FRMD3: variants seen among roughly 807,000 people sequenced by gnomAD.
The protein encoded by FRMD3 is FERM domain containing 3, also known as FERM domain-containing protein 3.
In FRMD3, 33 loss-of-function variants were observed where a neutral mutation model predicts 70.2. That is an observed-to-expected ratio of 0.47 (90% CI 0.36 to 0.63). The LOEUF (loss-of-function observed/expected upper bound fraction) is 0.63, where lower values mean the gene tolerates loss of function less well. Among genes scored for constraint, FRMD3 ranks in the 20% least tolerant of loss-of-function variants. The pLI, the probability that FRMD3 is intolerant of heterozygous loss-of-function variation, is 0.00. For missense variants in FRMD3, 632 were observed against 711.4 expected (o/e 0.89, Z 1.27); for synonymous variants, 279 against 255.9 (o/e 1.09, Z -0.86).
chr9:83,278,968 G>A (rs1833880400), intron 13 of FRMD3, among the ~76,000 whole-genome samples: 2 of 152,228 alleles, frequency 1.3e-5, no homozygotes, highest in African/African-American at 4.8e-5. Flanking sequence ...GGCCAAGCCT[G>A]TATTTAGGGG....
At position 83,394,613 on chromosome 9, in the gene FRMD3, C is replaced by T. The variant is rs142115901; in HGVS notation, c.148-4905G>A. 3.8e-3 allele frequency among the ~76,000 whole-genome samples: 585 copies of T among 152,264 alleles called. 3 individuals carry two copies. Among genetic ancestry groups the T allele is most frequent in the African/African-American group, 0.014 (568 of 41,550 alleles). On this transcript the variant is annotated intron_variant, in intron 1 of 13. Coordinates refer to ENST00000304195, the MANE Select transcript of FRMD3 (RefSeq NM_174938.6). ...ATGATTTTGTTTCTTCTGATGCCCA[C>T]AGTACCTTCTCTTCAAAGGCTGCTG...
chr9:83,321,836 G>A (rs1219396121), intron 6 of FRMD3, among the ~76,000 whole-genome samples: 1 of 152,132 alleles, frequency 6.6e-6, no homozygotes, highest in Admixed American at 6.5e-5. Context: ...AGTAATATCT[G>A]TTTTTTGAAT....
chr9:83,387,213 T>C (rs1368608885), intron 2 of FRMD3, among the ~76,000 whole-genome samples: 1 of 152,242 alleles, frequency 6.6e-6, no homozygotes, highest in Non-Finnish European at 1.5e-5. Flanking sequence ...CCGTCATTCC[T>C]TCTACATTTA....
At chr9:83,410,102 T>A (rs557618750) in intron 1 of FRMD3, among the ~76,000 whole-genome samples, 1 of 152,222 alleles carries the variant, frequency 6.6e-6, no homozygotes, top group South Asian at 2.1e-4. Context: ...CTTTCACACA[T>A]GGAAGAACCA....
At chr9:83,477,626 C>T (rs1190354252) in intron 1 of FRMD3, among the ~76,000 whole-genome samples, 3 of 152,294 alleles carry the variant, frequency 2.0e-5, no homozygotes, top group South Asian at 2.1e-4. Context: ...TCTATTACTA[C>T]TGAAGAAAAG....
chr9:83,388,942 CTTT>C (rs554000690), intron 2 of FRMD3, among the ~76,000 whole-genome samples: 10 of 117,150 alleles, frequency 8.5e-5, no homozygotes, highest in Non-Finnish European at 8.5e-5. Flanking sequence ...CTACCAATAG[CTTT>C]TTTTTTTTTT....
intron 3 of FRMD3, among the ~76,000 whole-genome samples, chr9:83,369,949 T>G (rs1248200239): frequency 6.6e-6 from 1 of 152,244 alleles, no homozygotes; most frequent in Non-Finnish European, 1.5e-5. Flanking sequence ...AACATGATTT[T>G]TTTTTAACTA....
chr9:83,532,144 T>C (rs1829803204), intron 1 of FRMD3, among the ~76,000 whole-genome samples: 1 of 152,198 alleles, frequency 6.6e-6, no homozygotes, highest in Non-Finnish European at 1.5e-5. Flanking sequence ...GAGGGCTATG[T>C]TATTATTATT....
chr9:83,584,213 G>A, the FRMD3 span, among the ~76,000 whole-genome samples: 1 of 152,124 alleles, frequency 6.6e-6, no homozygotes, highest in South Asian at 2.1e-4. Flanking sequence ...GCGCACACCT[G>A]TAGTCCCAGC....
At chr9:83,438,777 C>T (rs1827213167) in intron 1 of FRMD3, among the ~76,000 whole-genome samples, 1 of 152,190 alleles carries the variant, frequency 6.6e-6, no homozygotes, top group African/African-American at 2.4e-5. Flanking sequence ...CAAACAACCT[C>T]GCTGGGTGCA....
At chr9:83,449,199 C>G (rs528357636) in intron 1 of FRMD3, among the ~76,000 whole-genome samples, 14 of 152,284 alleles carry the variant, frequency 9.2e-5, no homozygotes, top group African/African-American at 2.6e-4. Flanking sequence ...GTCTGGACTC[C>G]GGTATGTCGC....
At chr9:83,507,682 ATATACATAC>A in intron 1 of FRMD3, among the ~76,000 whole-genome samples, 2 of 36,296 alleles carry the variant, frequency 5.5e-5, no homozygotes, top group African/African-American at 3.6e-4. Flanking sequence ...ACAAAAAAAA[ATATACATAC>A]ATATATATAT....
chr9:83,505,869 A>G (rs1235161009), intron 1 of FRMD3, among the ~76,000 whole-genome samples: 1 of 152,130 alleles, frequency 6.6e-6, no homozygotes, highest in Non-Finnish European at 1.5e-5. Context: ...GATCCCGGAG[A>G]TCATGGCTGC....
intron 1 of FRMD3, among the ~76,000 whole-genome samples, chr9:83,390,655 T>C (rs1304225404): frequency 1.3e-5 from 2 of 152,194 alleles, no homozygotes; most frequent in African/African-American, 2.4e-5. Flanking sequence ...CTGATTAACA[T>C]AAATACCACT....
chr9:83,513,647 A>G (rs1316791633), intron 1 of FRMD3, among the ~76,000 whole-genome samples: 1 of 152,214 alleles, frequency 6.6e-6, no homozygotes, highest in Non-Finnish European at 1.5e-5. Context: ...AAGTAGAAAG[A>G]AATATGAAAA....
intron 1 of FRMD3, among the ~76,000 whole-genome samples, chr9:83,530,232 CA>C (rs1273436793): frequency 6.6e-6 from 1 of 152,124 alleles, no homozygotes; most frequent in Non-Finnish European, 1.5e-5. Flanking sequence ...TCCATCAACC[CA>C]AATGTTCAAC....
Position 83,299,175 on chromosome 9 carries a change from G to T in FRMD3, c.938C>A (p.Ser313Tyr). The T allele has an allele frequency of 6.2e-7, 1 of 1,610,668 alleles. No homozygotes were observed. Among genetic ancestry groups the T allele is most frequent in the Non-Finnish European group, 8.5e-7 (1 of 1,178,498 alleles). ...GCTTGATACAGTCTTGATCTGACTGGATTTTGCATACCTTTAAGAAAAAGC... is the reference window on the plus strand; with the variant it reads ...GCTTGATACAGTCTTGATCTGACTGTATTTTGCATACCTTTAAGAAAAAGC... The part of the protein sequence containing the change: ...ENQAFYKYAK[S>Y]SQIKTVSSSK... The change falls in exon 11 of 14, where the codon TCC becomes TAC. Residue 313 changes from serine to tyrosine, a missense_variant. Coordinates refer to ENST00000304195, the MANE Select transcript of FRMD3 (RefSeq NM_174938.6).
At chr9:83,290,306 C>A (rs1022479966) in intron 13 of FRMD3, among the ~76,000 whole-genome samples, 3 of 152,176 alleles carry the variant, frequency 2.0e-5, no homozygotes, top group Non-Finnish European at 4.4e-5. Flanking sequence ...TTTAATACAG[C>A]CACACATGGC....
Position 83,248,221 on chromosome 9 carries a change from T to C in FRMD3, c.1491A>G (p.Glu497=), listed in dbSNP as rs771816234. 1.9e-6 allele frequency: 3 copies of C among 1,614,148 alleles called. No individual in the cohort carries two copies. The highest frequency in any genetic ancestry group is 2.2e-5 in the South Asian group (2 of 91,086). The change falls in exon 14 of 14, where the codon GAA becomes GAG. Residue 497 remains glutamate, a synonymous_variant. Transcript: ENST00000304195. The part of the protein sequence containing the change: ...EADENAFLIA[E]EEELKEARRA... ...GGCGAGCCTCCTTCAGCTCCTCTTCTTCAGCAATCAAAAAGGCGTTTTCAT... is the reference window on the plus strand; with the variant it reads ...GGCGAGCCTCCTTCAGCTCCTCTTCCTCAGCAATCAAAAAGGCGTTTTCAT...
Sources: gnomAD v4.1 joint callset for allele counts (sites outside exome capture counted in the v4.1 genomes callset) on GRCh38, gnomAD v4.1.1 for gene constraint, MANE v1.5 for transcripts, NCBI Gene and HGNC (gene_info 2026-07-23, HGNC 2026-07-21) for gene names.